Variants in DOCK2 observed in about 807,000 individuals in gnomAD.
DOCK2 encodes the protein dedicator of cytokinesis protein 2.
DOCK2 carries 87 observed loss-of-function variants against 248.9 expected under a neutral mutation model. That is an observed-to-expected ratio of 0.35 (90% confidence interval 0.29 to 0.42). DOCK2 has a LOEUF of 0.42. Among genes scored for constraint, DOCK2 ranks in the 10% least tolerant of loss-of-function variants. The pLI is 1.00. For missense variants in DOCK2, 1,747 were observed against 2,300.2 expected (o/e 0.76, Z 4.92); for synonymous variants, 805 against 821.6 (o/e 0.98, Z 0.35).
At chr5:169,917,978 A>G (rs1216656724) in intron 27 of DOCK2, among the ~76,000 whole-genome samples, 2 of 152,230 alleles carry the variant, frequency 1.3e-5, no homozygotes, top group Non-Finnish European at 2.9e-5. Context: ...GCCCTGAGCT[A>G]ATGTGTGTTC....
chr5:169,754,834 CAT>C (rs1209848263), intron 23 of DOCK2, among the ~76,000 whole-genome samples: 1 of 152,122 alleles, frequency 6.6e-6, no homozygotes, highest in African/African-American at 2.4e-5. Context: ...ATTTTCCACT[CAT>C]AGAGTAGTTG....
chr5:169,933,460 G>C (rs1283338758), intron 27 of DOCK2, among the ~76,000 whole-genome samples: 1 of 152,228 alleles, frequency 6.6e-6, no homozygotes. Context: ...TGGTAAATCA[G>C]TCATTATCCT....
chr5:170,034,297 TTGACTGAC>T (rs1289402439), intron 34 of DOCK2, 94 bp from the exon 35 acceptor site: 4 of 1,460,030 alleles, frequency 2.7e-6, no homozygotes, highest in Non-Finnish European at 3.7e-6. Context: ...GGAACTTGGG[TTGACTGAC>T]TGATTTTGCA....
chr5:169,713,503 A>G (rs1205068069), intron 17 of DOCK2, among the ~76,000 whole-genome samples: 1 of 152,080 alleles, frequency 6.6e-6, no homozygotes, highest in African/African-American at 2.4e-5. Flanking sequence ...TTATCTGCTC[A>G]GGTATTCTAG....
At chr5:169,876,749 C>T (rs1033532526) in intron 27 of DOCK2, among the ~76,000 whole-genome samples, 1 of 152,192 alleles carries the variant, frequency 6.6e-6, no homozygotes, top group Non-Finnish European at 1.5e-5. Context: ...TTTGCTTAAT[C>T]CTTCATTTCC....
chr5:170,053,424 A>G (rs1030738938), intron 41 of DOCK2, among the ~76,000 whole-genome samples: 1 of 152,238 alleles, frequency 6.6e-6, no homozygotes, highest in African/African-American at 2.4e-5. Context: ...CTGTGTTCCA[A>G]TAAAACTCTA....
At chr5:169,899,858 A>T (rs904154165) in intron 27 of DOCK2, among the ~76,000 whole-genome samples, 13 of 152,198 alleles carry the variant, frequency 8.5e-5, no homozygotes, top group African/African-American at 3.1e-4. Flanking sequence ...CCAGAAAAAA[A>T]TTAAGCAGAC....
chr5:169,708,407 AGT>A, intron 15 of DOCK2, 140 bp downstream of exon 15: 1 of 893,958 alleles, frequency 1.1e-6, no homozygotes, highest in Non-Finnish European at 1.7e-6. Context: ...TTCATTTTAT[AGT>A]TGAGGAAACT....
intron 22 of DOCK2, among the ~76,000 whole-genome samples, chr5:169,739,112 G>A (rs1763184597): frequency 6.6e-6 from 1 of 152,220 alleles, no homozygotes; most frequent in South Asian, 2.1e-4. Flanking sequence ...AAATGTCAGG[G>A]CTCTCAGTGG....
At chr5:170,007,654 G>A (rs1755093906) in intron 30 of DOCK2, among the ~76,000 whole-genome samples, 1 of 152,150 alleles carries the variant, frequency 6.6e-6, no homozygotes, top group Non-Finnish European at 1.5e-5. Flanking sequence ...TGCCATCAGT[G>A]TGGCTAATCT....
Position 169,847,886 on chromosome 5 carries a change from C to T in DOCK2, c.2799+7034C>T, listed in dbSNP as rs550812702. Reference sequence around the variant, plus strand: ...GCAAATATTATGTATTTACTGCAACCGTTGGTGTTTTTCTGGCCCAGTCCA... The same window carrying T: ...GCAAATATTATGTATTTACTGCAACTGTTGGTGTTTTTCTGGCCCAGTCCA... On this transcript the variant is annotated intron_variant, in intron 27 of 51. Coordinates refer to ENST00000520908, the MANE Select transcript of DOCK2 (RefSeq NM_004946.3). 2.0e-5 allele frequency among the ~76,000 whole-genome samples: 3 copies of T among 152,234 alleles called. No homozygotes were observed. The East Asian group carries it at 5.8e-4, about 29-fold the overall frequency.
intron 2 of DOCK2, among the ~76,000 whole-genome samples, chr5:169,659,084 C>G (rs1018601244): frequency 6.6e-6 from 1 of 150,700 alleles, no homozygotes; most frequent in Non-Finnish European, 1.5e-5. Context: ...ACTCCAGGGC[C>G]CAAGCAGTCC....
At chr5:169,950,308 G>A (rs1776606622) in intron 27 of DOCK2, among the ~76,000 whole-genome samples, 6 of 152,278 alleles carry the variant, frequency 3.9e-5, no homozygotes, top group African/African-American at 1.4e-4. Context: ...CTTCCTCATA[G>A]GGTTGTTTTA....
chr5:169,778,869 AATCT>A (rs1247042365), intron 25 of DOCK2, among the ~76,000 whole-genome samples: 3 of 152,178 alleles, frequency 2.0e-5, no homozygotes, highest in African/African-American at 4.8e-5. Flanking sequence ...CTGATCTACC[AATCT>A]ATCTATCTAT....
intron 27 of DOCK2, among the ~76,000 whole-genome samples, chr5:169,873,998 C>T (rs902704372): frequency 7.2e-5 from 11 of 152,180 alleles, no homozygotes; most frequent in Non-Finnish European, 1.0e-4. Context: ...GTGCTAGGAA[C>T]GAGAATGCTG....
intron 26 of DOCK2, among the ~76,000 whole-genome samples, chr5:169,819,461 A>G (rs1158190137): frequency 6.6e-6 from 1 of 152,130 alleles, no homozygotes; most frequent in Non-Finnish European, 1.5e-5. Context: ...CACCTACAAA[A>G]AATTAAAAAA....
At position 170,055,401 on chromosome 5, in the gene DOCK2, C is replaced by T. The variant is rs759055774; in HGVS notation, c.4295+15C>T. ...CAGATTATAAAGTAAGACTCGTTGT[C>T]CACAGGGAAGAAGGATGGGGAAGAG... On this transcript the variant is annotated intron_variant, in intron 42 of 51. Coordinates refer to ENST00000520908, the MANE Select transcript of DOCK2 (RefSeq NM_004946.3). 1 of 1,613,058 alleles carries T rather than the reference C, an allele frequency of 6.2e-7. No homozygotes were observed.
At chr5:169,782,111 G>T (rs1002513717) in intron 25 of DOCK2, among the ~76,000 whole-genome samples, 13 of 152,150 alleles carry the variant, frequency 8.5e-5, no homozygotes, top group African/African-American at 3.1e-4. Context: ...TTACCTCTCA[G>T]AAAATTTGTG....
intron 23 of DOCK2, among the ~76,000 whole-genome samples, chr5:169,749,447 G>T (rs932757255): frequency 1.3e-5 from 2 of 151,958 alleles, no homozygotes; most frequent in East Asian, 3.9e-4. Context: ...TCTGAGTGTT[G>T]AAAACACAAT....
Sources: gnomAD v4.1 joint callset for allele counts (sites outside exome capture counted in the v4.1 genomes callset) on GRCh38, gnomAD v4.1.1 for gene constraint, MANE v1.5 for transcripts, NCBI Gene and HGNC (gene_info 2026-07-23, HGNC 2026-07-21) for gene names.